The following C13orf42 variants were observed in gnomAD, a reference collection of about 807,000 sequenced individuals.
C13orf42 encodes uncharacterized protein C13orf42.
intron 1 of C13orf42, among the ~76,000 whole-genome samples, chr13:51,157,330 C>A (rs1284468839): frequency 1.3e-5 from 2 of 152,126 alleles, no homozygotes; most frequent in Non-Finnish European, 2.9e-5. Flanking sequence ...GCTACTCTGG[C>A]AGCTGAGGCA....
At chr13:51,122,412 T>C (rs1566132669) in intron 1 of C13orf42, among the ~76,000 whole-genome samples, 1 of 151,750 alleles carries the variant, frequency 6.6e-6, no homozygotes, top group Admixed American at 6.6e-5. Context: ...TGCATGCCTG[T>C]AATCCCAGCT....
intron 1 of C13orf42, 62 bp downstream of exon 1, chr13:51,110,734 A>T: frequency 2.5e-6 from 1 of 398,004 alleles, no homozygotes; most frequent in Non-Finnish European, 4.4e-6. Flanking sequence ...GAAGCTTTCA[A>T]ACAGTTGCCC....
At chr13:51,157,657 C>T (rs1157584047) in intron 1 of C13orf42, among the ~76,000 whole-genome samples, 1 of 152,046 alleles carries the variant, frequency 6.6e-6, no homozygotes, top group Non-Finnish European at 1.5e-5. Flanking sequence ...GTTGAAACCC[C>T]CTTTGTTCCT....
intron 1 of C13orf42, among the ~76,000 whole-genome samples, chr13:51,155,097 C>T (rs186472597): frequency 6.6e-6 from 1 of 152,152 alleles, no homozygotes; most frequent in East Asian, 1.9e-4. Flanking sequence ...GGATGATGCT[C>T]AATTTAAAAA....
At chr13:51,140,387 C>T (rs1280359084) in intron 1 of C13orf42, among the ~76,000 whole-genome samples, 1 of 152,212 alleles carries the variant, frequency 6.6e-6, no homozygotes, top group Non-Finnish European at 1.5e-5. Flanking sequence ...ACGAGCACGT[C>T]CTCAACCTTG....
chr13:51,126,072 T>C (rs1306173578), intron 1 of C13orf42, among the ~76,000 whole-genome samples: 1 of 152,208 alleles, frequency 6.6e-6, no homozygotes, highest in African/African-American at 2.4e-5. Flanking sequence ...GCAAATTTCA[T>C]GTGCCTGTGT....
intron 1 of C13orf42, among the ~76,000 whole-genome samples, chr13:51,093,941 T>A (rs1953206599): frequency 6.6e-6 from 1 of 152,192 alleles, no homozygotes; most frequent in Non-Finnish European, 1.5e-5. Flanking sequence ...AGGTAACCAA[T>A]AAGGTTCACT....
intron 1 of C13orf42, among the ~76,000 whole-genome samples, chr13:51,110,238 A>AT (rs766424279): frequency 6.6e-6 from 1 of 152,198 alleles, no homozygotes; most frequent in East Asian, 1.9e-4. Context: ...GACAACAATA[A>AT]TTTTTTAAAA....
At chr13:51,106,991 T>C (rs1158991343) in intron 1 of C13orf42, among the ~76,000 whole-genome samples, 1 of 152,228 alleles carries the variant, frequency 6.6e-6, no homozygotes, top group African/African-American at 2.4e-5. Context: ...AATGACCTAT[T>C]CTGAGGGAGG....
At chr13:51,145,313 G>A (rs1475248517) in intron 1 of C13orf42, among the ~76,000 whole-genome samples, 6 of 151,030 alleles carry the variant, frequency 4.0e-5, no homozygotes, top group Admixed American at 6.6e-5. Context: ...TCAGAGTAAT[G>A]TGGTCTATAT....
At chr13:51,161,928 G>A in intron 1 of C13orf42, 1 of 492,826 alleles carries the variant, frequency 2.0e-6, no homozygotes, top group South Asian at 1.5e-5. Flanking sequence ...GCACCTGGCT[G>A]ACCATCAGTG....
intron 1 of C13orf42, among the ~76,000 whole-genome samples, chr13:51,105,114 G>A (rs1953338142): frequency 6.7e-6 from 1 of 148,440 alleles, no homozygotes; most frequent in Non-Finnish European, 1.5e-5. Context: ...TTTGACAAAG[G>A]CCATTGGGAA....
chr13:51,112,353 G>T (rs992266828), upstream of C13orf42, among the ~76,000 whole-genome samples: 2 of 152,186 alleles, frequency 1.3e-5, no homozygotes, highest in East Asian at 3.8e-4. Flanking sequence ...TGCTCTGTGT[G>T]TGTGTGGGGT....
chr13:51,110,982 C>A lies in C13orf42; in HGVS notation c.228G>T (p.Ala76=). ...LYYLRQEEDR[A]WMYSRTQDCL... ...AGTCCTGGGTGCGCGAATACATCCA[C>A]GCCCGGTCCTCCTCCTGCCGCAGGT... Residue 76 remains alanine, a synonymous_variant, in exon 1 of 4, where the codon GCG becomes GCT. Coordinates refer to ENST00000563710, the MANE Select transcript of C13orf42 (RefSeq NM_001351589.3). The A allele has an allele frequency of 7.5e-6, 3 of 398,686 alleles. No homozygotes were observed. Among genetic ancestry groups the A allele is most frequent in the Non-Finnish European group, 1.3e-5 (3 of 226,108 alleles). 24.7% of individuals were successfully genotyped at this position (398,686 alleles called of 1,614,324 possible). A position where few individuals can be genotyped will look rare whatever the true frequency, so the allele number is the denominator to read the frequency against.
chr13:51,130,995 A>G (rs573739393), intron 1 of C13orf42, among the ~76,000 whole-genome samples: 2 of 152,280 alleles, frequency 1.3e-5, no homozygotes, highest in South Asian at 4.1e-4. Context: ...TGAACAATTA[A>G]TTGTAAAAGA....
At chr13:51,170,713 C>T (rs985624191) in intron 1 of C13orf42, among the ~76,000 whole-genome samples, 10 of 152,162 alleles carry the variant, frequency 6.6e-5, no homozygotes, top group African/African-American at 1.2e-4. Context: ...TATACACTCA[C>T]GTTTCAAGGG....
intron 1 of C13orf42, among the ~76,000 whole-genome samples, chr13:51,147,463 C>T (rs1953744918): frequency 6.6e-6 from 1 of 152,152 alleles, no homozygotes; most frequent in African/African-American, 2.4e-5. Context: ...GGTATGGTGG[C>T]TCATGCCTGT....
In C13orf42 at chr13:51,162,127, C is replaced by T. The variant is rs550197277; in HGVS notation, n.136+10126G>A. ...CATAAGCTGCACAGACTATCATGTC[C>T]CATTCTATATGGGCATAAGCCATCT... On this transcript the variant is annotated intron_variant and non_coding_transcript_variant, in intron 1 of 4. Transcript: ENST00000433280. 109 of 295,434 alleles carry T rather than the reference C, an allele frequency of 3.7e-4. 2 individuals are homozygous for T. In the South Asian group the frequency reaches 4.3e-3, roughly 12 times the overall value. The allele number at this position is 295,434 out of a possible 1,614,324, so 18.3% of individuals were successfully genotyped here.
At chr13:51,114,619 GATAGA>G (rs1953467421), upstream of C13orf42, among the ~76,000 whole-genome samples, 1 of 83,784 alleles carries the variant, frequency 1.2e-5, no homozygotes, top group African/African-American at 5.2e-5. Flanking sequence ...ATAGATGATA[GATAGA>G]TAGATAGATA....
Sources: gnomAD v4.1 joint callset for allele counts (sites outside exome capture counted in the v4.1 genomes callset) on GRCh38, gnomAD v4.1.1 for gene constraint, MANE v1.5 for transcripts, NCBI Gene and HGNC (gene_info 2026-07-23, HGNC 2026-07-21) for gene names.